DMD: variants seen among roughly 807,000 people sequenced by gnomAD.
DMD encodes dystrophin, also known as mutant dystrophin.
DMD carries 63 observed loss-of-function variants against 330.1 expected under a neutral mutation model. The observed-to-expected ratio is 0.19, with a 90% CI of 0.16 to 0.24. The LOEUF is 0.24. Ranked by LOEUF, DMD falls within the 10% of genes least tolerant of loss-of-function variation. The probability of loss-of-function intolerance (pLI) is 1.00; values close to 1 mark genes in which losing one functional copy is unlikely to be tolerated. For synonymous variants in DMD, 1,223 were observed against 959.8 expected (o/e 1.27, Z -5.07); for missense variants, 3,344 against 2,684.1 (o/e 1.25, Z -5.43).
At chrX:32,144,804 G>T (rs1485033815) in intron 44 of DMD, among the ~76,000 whole-genome samples, 2 of 111,560 alleles carry the variant, frequency 1.8e-5, no homozygotes, top group Non-Finnish European at 3.8e-5. Context: ...AAGCTGAGGA[G>T]GGTGGATCAC....
chrX:31,239,021 C>G (rs966804888), intron 63 of DMD, among the ~76,000 whole-genome samples: 2 of 112,175 alleles, frequency 1.8e-5, no homozygotes, highest in Non-Finnish European at 3.8e-5. Context: ...TTTTTTGCTC[C>G]CATAGAAACA....
chrX:32,636,779 A>G (rs966353127), intron 11 of DMD, among the ~76,000 whole-genome samples: 2 of 110,912 alleles, frequency 1.8e-5, no homozygotes, highest in Non-Finnish European at 3.8e-5. Context: ...CAGGTGGATC[A>G]CGAGGTCAGG....
intron 42 of DMD, among the ~76,000 whole-genome samples, chrX:32,289,675 T>C (rs1039320141): frequency 9.0e-6 from 1 of 111,413 alleles, no homozygotes; most frequent in Non-Finnish European, 1.9e-5. Context: ...TATACACTAA[T>C]TATAATGCAT....
Position 31,262,639 on chromosome X carries a change from C to T in DMD, c.9225-1623G>A, listed in dbSNP as rs183621352. Among the ~76,000 whole-genome samples, 31 of 112,571 alleles carry T rather than the reference C, an allele frequency of 2.8e-4. 1 individual carries two copies. Among genetic ancestry groups the T allele is most frequent in the Admixed American group, 1.2e-3 (13 of 10,696 alleles). On this transcript the variant is annotated intron_variant, in intron 62 of 78. Transcript: ENST00000357033. The stretch of plus-strand genomic sequence containing the variant: ...CATAGAGACAACTCACATTTGAGGA[C>T]TATAACAAGGGCTTATCAGTTGAGG...
chrX:33,018,564 T>G (rs2093849791), intron 2 of DMD, among the ~76,000 whole-genome samples: 2 of 111,686 alleles, frequency 1.8e-5, no homozygotes, highest in Admixed American at 1.9e-4. Flanking sequence ...CTTGCGGGAA[T>G]GAGGATACAC....
At chrX:31,144,122 C>T (rs908219621) in intron 76 of DMD, among the ~76,000 whole-genome samples, 1 of 112,035 alleles carries the variant, frequency 8.9e-6, no homozygotes, top group Non-Finnish European at 1.9e-5. Context: ...GGCTTTCCTA[C>T]AAGATTTGGC....
chrX:32,783,011 G>A (rs777867037), intron 7 of DMD, among the ~76,000 whole-genome samples: 5 of 95,672 alleles, frequency 5.2e-5, no homozygotes, highest in South Asian at 4.6e-4. Context: ...ACACACACAC[G>A]TATATATACA....
chrX:32,760,310 AACAGCATT>A (rs2072107559), intron 7 of DMD, among the ~76,000 whole-genome samples: 1 of 104,436 alleles, frequency 9.6e-6, no homozygotes, highest in African/African-American at 3.6e-5. Context: ...CATAGTATTT[AACAGCATT>A]ATTCAATTGT....
rs2097792854 is a variant in DMD, at chrX:32,354,653, C to T, written c.5326-6125G>A. On this transcript the variant is annotated intron_variant, in intron 37 of 78. Transcript: ENST00000357033. The stretch of plus-strand genomic sequence containing the variant: ...TAAATAAATTGACTCCAAATAGTGA[C>T]ATTTCATTGGTTGCATTCTTTTGAG... Among the ~76,000 whole-genome samples the T allele has an allele frequency of 2.7e-5, 3 of 111,394 alleles. No individual in the cohort carries two copies. In the Admixed American group the frequency reaches 2.9e-4, roughly 11 times the overall value.
At position 31,983,856 on chromosome X, in the gene DMD, AG is replaced by A. The variant is rs761324573; in HGVS notation, c.6439-15343del. On this transcript the variant is annotated intron_variant, in intron 44 of 78. Transcript: ENST00000357033. ...GTCAGAAAAATGTGTTATTATTCCTAGGGTAAAGACGAGGAATTGGGGGTCT... is the reference window on the plus strand; with the variant it reads ...GTCAGAAAAATGTGTTATTATTCCTAGGTAAAGACGAGGAATTGGGGGTCT... 4.0e-3 allele frequency among the ~76,000 whole-genome samples: 448 copies of A among 111,889 alleles called. 4 individuals carry two copies. Among genetic ancestry groups the A allele is most frequent in the African/African-American group, 0.014 (428 of 30,868 alleles).
At chrX:32,306,600 A>G (rs2097541138) in intron 42 of DMD, among the ~76,000 whole-genome samples, 2 of 111,264 alleles carry the variant, frequency 1.8e-5, no homozygotes, top group African/African-American at 6.5e-5. Context: ...GACAACTGAA[A>G]TGATGTGTGC....
At chrX:31,398,943 G>A (rs1602479769) in intron 60 of DMD, among the ~76,000 whole-genome samples, 1 of 111,700 alleles carries the variant, frequency 9.0e-6, no homozygotes, top group Non-Finnish European at 1.9e-5. Context: ...CAGCAGCTGG[G>A]GCCAGCATTT....
intron 18 of DMD, among the ~76,000 whole-genome samples, chrX:32,505,586 T>A (rs918645368): frequency 1.8e-5 from 2 of 112,042 alleles, no homozygotes; most frequent in Middle Eastern, 4.2e-3. Flanking sequence ...GCACAGCCAC[T>A]TTGGAAGACA....
At chrX:32,411,445 A>G (rs376998766) in intron 30 of DMD, among the ~76,000 whole-genome samples, 38 of 111,471 alleles carry the variant, frequency 3.4e-4, no homozygotes, top group African/African-American at 1.1e-3. Context: ...CATTTTCTTT[A>G]CCATTTACTA....
chrX:32,748,032 T>A (rs1038920792), intron 7 of DMD, among the ~76,000 whole-genome samples: 1 of 111,453 alleles, frequency 9.0e-6, no homozygotes, highest in Non-Finnish European at 1.9e-5. Context: ...ATACACGTAT[T>A]TCCCTTTTAT....
chrX:32,480,496 T>A (rs1347950242), intron 21 of DMD, among the ~76,000 whole-genome samples: 1 of 111,141 alleles, frequency 9.0e-6, no homozygotes, highest in Non-Finnish European at 1.9e-5. Flanking sequence ...TGTCTACGTG[T>A]TTATATACAC....
chrX:31,689,923 A>G (rs62589465), intron 52 of DMD, among the ~76,000 whole-genome samples: 17,231 of 111,395 alleles, frequency 0.15, 1,179 homozygotes, highest in Admixed American at 0.31. Flanking sequence ...CCATATGTAG[A>G]GAGCTGAAAC....
intron 50 of DMD, among the ~76,000 whole-genome samples, chrX:31,813,857 G>A (rs1385811908): frequency 1.8e-5 from 2 of 111,578 alleles, no homozygotes; most frequent in African/African-American, 6.5e-5. Context: ...GGGGAAATGG[G>A]TAGCCCACTA....
intron 37 of DMD, among the ~76,000 whole-genome samples, chrX:32,354,816 A>C (rs1365341720): frequency 9.0e-6 from 1 of 111,497 alleles, no homozygotes; most frequent in Non-Finnish European, 1.9e-5. Context: ...TTTCATGCTT[A>C]CACATTTTAA....
Sources: allele counts gnomAD v4.1 joint callset (sites outside exome capture counted in the v4.1 genomes callset), GRCh38; gene constraint gnomAD v4.1.1; transcripts MANE v1.5; gene names NCBI Gene and HGNC (gene_info 2026-07-23, HGNC 2026-07-21).